RIPK2: variants seen among roughly 807,000 people sequenced by gnomAD.
The protein encoded by RIPK2 is receptor interacting serine/threonine kinase 2.
RIPK2 carries 38 observed loss-of-function variants against 60.9 expected under a neutral mutation model. The observed-to-expected ratio is 0.62, with a 90% CI of 0.48 to 0.82. RIPK2 has a LOEUF of 0.82. RIPK2 is among the 40% of genes least tolerant of loss of function. The pLI, the probability that RIPK2 is intolerant of heterozygous loss-of-function variation, is 0.00. For missense variants in RIPK2, 518 were observed against 647.0 expected (o/e 0.80, Z 2.16); for synonymous variants, 225 against 223.4 (o/e 1.01, Z -0.06).
chr8:89,789,298 A>G, intron 9 of RIPK2, 23 bp from the exon 10 acceptor site: 2 of 1,605,442 alleles, frequency 1.2e-6, no homozygotes, highest in South Asian at 1.1e-5. Flanking sequence ...TTCTACTTCT[A>G]ATGAAGATGT....
chr8:89,773,722 G>T (rs1312364443), intron 6 of RIPK2, among the ~76,000 whole-genome samples: 1 of 152,148 alleles, frequency 6.6e-6, no homozygotes. Flanking sequence ...TCTGAAGACA[G>T]AAGAGTTACA....
Position 89,789,498 on chromosome 8 carries a change from G to T in RIPK2, c.1285+16G>T. On this transcript the variant is annotated intron_variant, in intron 10 of 10. Coordinates refer to ENST00000220751, the MANE Select transcript of RIPK2 (RefSeq NM_003821.6). ...GGAAACTCAGGTAAATATTTACTGT[G>T]AAACACCTTGTAAGTGATGCCATTG... is the stretch of plus-strand genomic sequence containing the variant. 1 of 1,608,940 alleles carries T rather than the reference G, an allele frequency of 6.2e-7. No homozygotes were observed. The highest frequency in any genetic ancestry group is 8.5e-7 in the Non-Finnish European group (1 of 1,177,614).
intron 2 of RIPK2, among the ~76,000 whole-genome samples, chr8:89,764,666 T>A (rs1809197587): frequency 6.6e-6 from 1 of 152,140 alleles, no homozygotes; most frequent in African/African-American, 2.4e-5. Context: ...AATAAAATGT[T>A]ATGTTTTAAA....
At position 89,758,222 on chromosome 8, in the gene RIPK2, G is replaced by A. The variant is rs372244188; in HGVS notation, c.162G>A (p.Pro54=). The change falls in exon 1 of 11, where the codon CCG becomes CCA. Residue 54 remains proline (P), a synonymous_variant. Transcript: ENST00000220751. ...VAVKHLHIHT[P]LLDSERKDVL... ...TGAAGCACCTGCACATCCACACTCC[G>A]CTGCTCGACAGGTAGGCAGTCACTG... is the stretch of plus-strand genomic sequence containing the variant. 3.7e-6 allele frequency: 6 copies of A among 1,605,988 alleles called. No homozygotes were observed. In the African/African-American group the frequency reaches 8.0e-5, roughly 21 times the overall value.
At chr8:89,771,543 C>A (rs928041339) in intron 4 of RIPK2, among the ~76,000 whole-genome samples, 198 bp from the exon 5 acceptor site, 1 of 151,846 alleles carries the variant, frequency 6.6e-6, no homozygotes, top group African/African-American at 2.4e-5. Context: ...ACAGTAATTT[C>A]CTAATTTTTT....
intron 6 of RIPK2, among the ~76,000 whole-genome samples, chr8:89,777,045 A>G (rs1194448339): frequency 6.6e-6 from 1 of 152,210 alleles, no homozygotes; most frequent in Non-Finnish European, 1.5e-5. Context: ...CTCAGGGTCA[A>G]GGAAACAGGG....
chr8:89,788,927 G>A (rs1014944154), intron 9 of RIPK2, among the ~76,000 whole-genome samples: 3 of 152,120 alleles, frequency 2.0e-5, no homozygotes, highest in Admixed American at 2.0e-4. Flanking sequence ...GAATAGAGGG[G>A]ATGATTAAGT....
chr8:89,781,666 G>A (rs536558745), intron 7 of RIPK2, among the ~76,000 whole-genome samples: 2 of 152,204 alleles, frequency 1.3e-5, no homozygotes, highest in East Asian at 3.9e-4. Context: ...AGGTACAGTA[G>A]TCTTCCCTTA....
intron 3 of RIPK2, among the ~76,000 whole-genome samples, chr8:89,768,084 A>G (rs994904204): frequency 6.6e-6 from 1 of 151,686 alleles, no homozygotes. Flanking sequence ...TAGTTCCTTA[A>G]TAATTCATCA....
intron 3 of RIPK2, among the ~76,000 whole-genome samples, chr8:89,767,182 G>T (rs145357137): frequency 6.6e-6 from 1 of 151,514 alleles, no homozygotes; most frequent in Admixed American, 6.6e-5. Flanking sequence ...TAAGATGCAG[G>T]ACTTAAGTGC....
chr8:89,782,821 T>C (rs1586132107), intron 7 of RIPK2, among the ~76,000 whole-genome samples: 1 of 152,354 alleles, frequency 6.6e-6, no homozygotes, highest in East Asian at 1.9e-4. Flanking sequence ...TGTTCATTTC[T>C]TCTTAGGGAC....
At chr8:89,770,304 A>G (rs1317232257) in intron 4 of RIPK2, among the ~76,000 whole-genome samples, 1 of 151,850 alleles carries the variant, frequency 6.6e-6, no homozygotes, top group Non-Finnish European at 1.5e-5. Flanking sequence ...ATATCTTTTT[A>G]GATAAATAGA....
intron 2 of RIPK2, among the ~76,000 whole-genome samples, chr8:89,764,568 A>G (rs1415198677): frequency 1.3e-5 from 2 of 152,286 alleles, no homozygotes; most frequent in Middle Eastern, 3.4e-3. Context: ...AAGTATGTTC[A>G]TTCTCCTGGG....
chr8:89,780,100 T>C lies in RIPK2; in HGVS notation c.879T>C (p.Val293=). The C allele has an allele frequency of 6.4e-7, 1 of 1,564,168 alleles. No homozygotes were observed. The highest frequency in any genetic ancestry group is 8.7e-7 in the Non-Finnish European group (1 of 1,145,326). The part of the protein sequence containing the change: ...FLKCLIELEP[V]LRTFEEITFL... ...AATGTTTAATAGAACTTGAACCAGTTTTGAGAACATTTGAAGAGATAACTT... is the reference window on the plus strand; with the variant it reads ...AATGTTTAATAGAACTTGAACCAGTCTTGAGAACATTTGAAGAGATAACTT... The change falls in exon 7 of 11, where the codon GTT becomes GTC. Residue 293 remains valine (V), a synonymous_variant. Transcript: ENST00000220751.
intron 7 of RIPK2, 38 bp from the exon 8 acceptor site, chr8:89,784,012 C>G (rs199979985): frequency 6.5e-6 from 7 of 1,076,638 alleles, no homozygotes; most frequent in Non-Finnish European, 8.3e-6. Flanking sequence ...CTAATCATCT[C>G]CAGTTAAAGT....
intron 1 of RIPK2, among the ~76,000 whole-genome samples, 154 bp downstream of exon 1, chr8:89,758,387 G>T (rs1376317089): frequency 6.6e-6 from 1 of 152,140 alleles, no homozygotes; most frequent in East Asian, 1.9e-4. Flanking sequence ...TGGGAGATAG[G>T]GAGCACCCAC....
At chr8:89,775,571 G>C (rs1230712191) in intron 6 of RIPK2, among the ~76,000 whole-genome samples, 1 of 152,206 alleles carries the variant, frequency 6.6e-6, no homozygotes, top group Non-Finnish European at 1.5e-5. Context: ...AGAACTGAGA[G>C]AGAGTATCAG....
chr8:89,768,088 T>C (rs1809257197), intron 3 of RIPK2, among the ~76,000 whole-genome samples: 1 of 151,706 alleles, frequency 6.6e-6, no homozygotes, highest in Non-Finnish European at 1.5e-5. Flanking sequence ...TCCTTAATAA[T>C]TCATCAGCTT....
chr8:89,786,612 A>G lies in RIPK2; in HGVS notation c.1049A>G (p.Gln350Arg). ...CTTTAGGAATCATGTGGATCCTCTC[A>G]GCTCCATGAAAATAGTGGTTCTCCT... Reference protein sequence around the residue: ...GPQEESCGSSQLHENSGSPET... With the variant: ...GPQEESCGSSRLHENSGSPET... Residue 350 changes from glutamine to arginine, a missense_variant, in exon 9 of 11, where the codon CAG becomes CGG. This residue lies in a region of RIPK2 where 448 missense variants were observed against 534.7 expected (regional missense o/e 0.84). Transcript: ENST00000220751. 2 of 1,592,466 alleles carry G rather than the reference A, an allele frequency of 1.3e-6. No individual in the cohort carries two copies. Among genetic ancestry groups the G allele is most frequent in the African/African-American group, 1.4e-5 (1 of 73,740 alleles).
Sources: allele counts gnomAD v4.1 joint callset (sites outside exome capture counted in the v4.1 genomes callset), GRCh38; gene constraint gnomAD v4.1.1; regional missense constraint gnomAD v4.1.1; transcripts MANE v1.5; gene names NCBI Gene and HGNC (gene_info 2026-07-23, HGNC 2026-07-21).